CAMK1D: variants seen among roughly 807,000 people sequenced by gnomAD.
CAMK1D encodes the protein calcium/calmodulin-dependent protein kinase type 1D.
A neutral mutation model predicts 47.7 loss-of-function variants in CAMK1D; 9 were observed. That is an observed-to-expected ratio of 0.19 (90% CI 0.11 to 0.33). The LOEUF is 0.33. CAMK1D is among the 10% of genes least tolerant of loss of function. The pLI is 1.00. For synonymous variants in CAMK1D, 184 were observed against 184.9 expected (o/e 0.99, Z 0.04); for missense variants, 291 against 488.7 (o/e 0.60, Z 3.81).
At chr10:12,604,480 C>T (rs564033947) in intron 2 of CAMK1D, among the ~76,000 whole-genome samples, 26 of 152,298 alleles carry the variant, frequency 1.7e-4, no homozygotes, top group Admixed American at 4.6e-4. Flanking sequence ...TTGCCTCACC[C>T]GAGACGCCAT....
At chr10:12,431,801 A>G (rs892287945) in intron 1 of CAMK1D, among the ~76,000 whole-genome samples, 1 of 152,216 alleles carries the variant, frequency 6.6e-6, no homozygotes, top group South Asian at 2.1e-4. Context: ...CAGCTTTTCT[A>G]TATTACATTT....
chr10:12,370,244 G>A (rs10906138), intron 1 of CAMK1D, among the ~76,000 whole-genome samples: 32,755 of 151,998 alleles, frequency 0.22, 4,027 homozygotes, highest in South Asian at 0.33. Flanking sequence ...TGGCGATGCT[G>A]GGGTCAACAG....
chr10:12,780,238 C>T (rs1258452616), intron 5 of CAMK1D, among the ~76,000 whole-genome samples: 3 of 151,960 alleles, frequency 2.0e-5, no homozygotes, highest in East Asian at 3.9e-4. Flanking sequence ...AGTGTTGGGG[C>T]GAGGACCTCT....
At chr10:12,749,950 A>G (rs926259765) in intron 3 of CAMK1D, among the ~76,000 whole-genome samples, 3 of 152,118 alleles carry the variant, frequency 2.0e-5, no homozygotes, top group Non-Finnish European at 4.4e-5. Context: ...GTTTTGTTCT[A>G]TTCTCGGGTT....
intron 2 of CAMK1D, among the ~76,000 whole-genome samples, chr10:12,594,038 T>C (rs1838073759): frequency 6.6e-6 from 1 of 152,154 alleles, no homozygotes; most frequent in African/African-American, 2.4e-5. Context: ...TAGCCTGGCG[T>C]GGTGGCACAT....
intron 3 of CAMK1D, among the ~76,000 whole-genome samples, chr10:12,754,547 G>T (rs547676814): frequency 1.3e-5 from 2 of 152,346 alleles, no homozygotes; most frequent in East Asian, 3.9e-4. Flanking sequence ...GAGTATGGAA[G>T]ATCCTTTATG....
intron 10 of CAMK1D, among the ~76,000 whole-genome samples, chr10:12,826,611 C>T (rs1440104216): frequency 6.6e-6 from 1 of 152,160 alleles, no homozygotes; most frequent in African/African-American, 2.4e-5. Flanking sequence ...GCCCTAATCT[C>T]CCTAACCATG....
At chr10:12,623,828 C>T (rs1246980125) in intron 2 of CAMK1D, among the ~76,000 whole-genome samples, 2 of 152,068 alleles carry the variant, frequency 1.3e-5, no homozygotes, top group Non-Finnish European at 2.9e-5. Context: ...CCTGTAATCC[C>T]AGCACCTTGG....
chr10:12,827,138 C>A (rs971189879), intron 10 of CAMK1D, among the ~76,000 whole-genome samples: 1 of 151,442 alleles, frequency 6.6e-6, no homozygotes, highest in African/African-American at 2.4e-5. Flanking sequence ...GCTTTCCTTT[C>A]TTTTTCTTTC....
In CAMK1D at chr10:12,350,011, C is replaced by G; in HGVS notation, c.92+101C>G. The G allele has an allele frequency of 8.1e-6, 4 of 494,334 alleles. No individual in the cohort carries two copies. The South Asian group carries it at 9.7e-5, about 12-fold the overall frequency. 30.6% of individuals were successfully genotyped at this position (494,334 alleles called of 1,614,324 possible). A position where few individuals can be genotyped will look rare whatever the true frequency, so the allele number is the denominator to read the frequency against. ...CGCCACTACCGCGGCAGAAACCCAG[C>G]CTGTCACCGCGTCCTCATTGTCCCG... On this transcript the variant is annotated intron_variant, in intron 1 of 10. Coordinates refer to ENST00000619168, the MANE Select transcript of CAMK1D (RefSeq NM_153498.4).
At chr10:12,612,649 T>A (rs1462665898) in intron 2 of CAMK1D, among the ~76,000 whole-genome samples, 1 of 152,078 alleles carries the variant, frequency 6.6e-6, no homozygotes, top group Non-Finnish European at 1.5e-5. Context: ...AGAAAGTGGG[T>A]CCTGGATGGG....
At chr10:12,695,993 G>A (rs951217979) in intron 3 of CAMK1D, among the ~76,000 whole-genome samples, 3 of 152,052 alleles carry the variant, frequency 2.0e-5, no homozygotes, top group East Asian at 1.9e-4. Flanking sequence ...CAGGAGAATC[G>A]CTTGAACCCG....
At chr10:12,780,938 C>T (rs1168950874) in intron 5 of CAMK1D, among the ~76,000 whole-genome samples, 1 of 152,152 alleles carries the variant, frequency 6.6e-6, no homozygotes, top group Admixed American at 6.5e-5. Flanking sequence ...ACAGGGCCCC[C>T]TAAGTGGGGA....
At chr10:12,440,580 G>T (rs1832758813) in intron 1 of CAMK1D, among the ~76,000 whole-genome samples, 1 of 151,972 alleles carries the variant, frequency 6.6e-6, no homozygotes, top group Non-Finnish European at 1.5e-5. Context: ...GAGCCACCAT[G>T]CCCAGCCAGA....
At chr10:12,507,155 G>A (rs1834901815) in intron 1 of CAMK1D, among the ~76,000 whole-genome samples, 1 of 152,174 alleles carries the variant, frequency 6.6e-6, no homozygotes, top group African/African-American at 2.4e-5. Flanking sequence ...ACACCACCTG[G>A]ACTTTTCTTG....
intron 1 of CAMK1D, among the ~76,000 whole-genome samples, chr10:12,466,167 G>T (rs569874432): frequency 6.6e-6 from 1 of 152,136 alleles, no homozygotes; most frequent in South Asian, 2.1e-4. Flanking sequence ...AAAATTTTAG[G>T]GAGACCAAGG....
intron 4 of CAMK1D, 122 bp from the exon 5 acceptor site, chr10:12,769,551 A>G (rs1023675920): frequency 1.9e-6 from 2 of 1,059,664 alleles, no homozygotes; most frequent in East Asian, 2.6e-5. Context: ...TGATGCATCT[A>G]CTGTGTCCAA....
Position 12,437,801 on chromosome 10 carries a change from TCCCTCTTCTGCATATTTTCC to T in CAMK1D, c.92+87894_92+87913del, listed in dbSNP as rs1190155478. On this transcript the variant is annotated intron_variant, in intron 1 of 10. Transcript: ENST00000619168. ...AGTAGTTTCACTGTCCTAAAAATTC[TCCCTCTTCTGCATATTTTCC>T]CCTCCCTGTCTCCAACCCCTGGCAA... Among the ~76,000 whole-genome samples the T allele has an allele frequency of 7.2e-5, 11 of 152,356 alleles. No individual in the cohort carries two copies. In the East Asian group the frequency reaches 2.1e-3, roughly 29 times the overall value.
intron 2 of CAMK1D, among the ~76,000 whole-genome samples, chr10:12,562,545 C>T (rs755600324): frequency 6.6e-6 from 1 of 152,166 alleles, no homozygotes; most frequent in East Asian, 1.9e-4. Context: ...CATTTGCAAA[C>T]GAGCCCCCGA....
Sources: allele counts gnomAD v4.1 joint callset (sites outside exome capture counted in the v4.1 genomes callset), GRCh38; gene constraint gnomAD v4.1.1; transcripts MANE v1.5; gene names NCBI Gene and HGNC (gene_info 2026-07-23, HGNC 2026-07-21).